Variants in GARNL3 observed in about 807,000 individuals in gnomAD.
GARNL3 encodes the protein GTPase-activating Rap/Ran-GAP domain-like protein 3.
GARNL3 carries 63 observed loss-of-function variants against 125.0 expected under a neutral mutation model. The ratio of observed to expected loss-of-function variants is 0.50; its 90% CI spans 0.41 to 0.62. The LOEUF is 0.62. Ranked by LOEUF, GARNL3 falls within the 20% of genes least tolerant of loss-of-function variation. GARNL3 has a pLI of 0.00. For synonymous variants in GARNL3, 439 were observed against 457.5 expected (o/e 0.96, Z 0.52); for missense variants, 994 against 1,244.0 (o/e 0.80, Z 3.02).
Position 127,325,091 on chromosome 9 carries a change from A to G in GARNL3, c.590A>G (p.Gln197Arg). ...CAGGACTTGCTGGTTCTTGAAGAAC[A>G]AGAGGTGAGTAATTCTATGGAGATA... ...IQKDLLVLEE[Q>R]EGSVNFKFGV... Residue 197 changes from glutamine (Q) to arginine (R), a missense_variant, in exon 7 of 28, where the codon CAA becomes CGA. By Grantham distance (43) the Gln-to-Arg change is conservative. Coordinates refer to ENST00000373387, the MANE Select transcript of GARNL3 (RefSeq NM_032293.5). The G allele has an allele frequency of 6.2e-7, 1 of 1,613,478 alleles. No individual in the cohort carries two copies. Among genetic ancestry groups the G allele is most frequent in the Non-Finnish European group, 8.5e-7 (1 of 1,179,428 alleles).
At chr9:127,350,191 G>A (rs533671113) in intron 17 of GARNL3, among the ~76,000 whole-genome samples, 6 of 152,252 alleles carry the variant, frequency 3.9e-5, no homozygotes, top group South Asian at 2.1e-4. Context: ...TTTAAATTCA[G>A]TATGTAATTT....
intron 8 of GARNL3, 71 bp downstream of exon 8, chr9:127,332,420 GCTTAA>G (rs1483245094): frequency 4.9e-6 from 6 of 1,219,786 alleles, no homozygotes; most frequent in African/African-American, 1.5e-5. Flanking sequence ...GCCAGTTGGA[GCTTAA>G]CTTGTCTGTT....
intron 2 of GARNL3, among the ~76,000 whole-genome samples, chr9:127,294,051 T>G (rs2064507502): frequency 6.6e-6 from 1 of 152,168 alleles, no homozygotes; most frequent in Admixed American, 6.5e-5. Flanking sequence ...CTTCCTTCAG[T>G]GTGCAGCCCT....
rs1832519038 is a variant in GARNL3 at position 127,385,945 on chromosome 9, T to C, written c.2388+800T>C. ...GTGTGTGTGTGCACATATGTGCATA[T>C]ATGTATGATATGTGTACATATCTGC... On this transcript the variant is annotated intron_variant, in intron 24 of 27. Coordinates refer to ENST00000373387, the MANE Select transcript of GARNL3 (RefSeq NM_032293.5). The surrounding 1 kb of genome is among the most constrained non-coding windows in gnomAD (Gnocchi z 4.1). Among the ~76,000 whole-genome samples, 1 of 152,252 alleles carries C rather than the reference T, an allele frequency of 6.6e-6. No homozygotes were observed. The highest frequency in any genetic ancestry group is 2.4e-5 in the African/African-American group (1 of 41,468).
At chr9:127,272,521 C>G (rs2063847858) in intron 1 of GARNL3, among the ~76,000 whole-genome samples, 1 of 140,674 alleles carries the variant, frequency 7.1e-6, no homozygotes, top group Non-Finnish European at 1.5e-5. Context: ...GAGTCTCACT[C>G]TGTTCCCCAG....
rs936607474 is a variant in GARNL3, at chr9:127,333,139, T to C, written c.769+18T>C. On this transcript the variant is annotated intron_variant, in intron 9 of 27. Coordinates refer to ENST00000373387, the MANE Select transcript of GARNL3 (RefSeq NM_032293.5). ...TACCAAAAGTAAGCCTGCCTCTTGA[T>C]CTATTCTGTTGTAATTTGTATAACT... 1 of 1,584,370 alleles carries C rather than the reference T, an allele frequency of 6.3e-7. No homozygotes were observed.
At chr9:127,374,610 C>T (rs1269628744) in intron 22 of GARNL3, among the ~76,000 whole-genome samples, 1 of 151,992 alleles carries the variant, frequency 6.6e-6, no homozygotes, top group African/African-American at 2.4e-5. Flanking sequence ...CTATCTCATA[C>T]AGGACTGGTA....
At chr9:127,376,919 G>A (rs1489444273) in intron 22 of GARNL3, among the ~76,000 whole-genome samples, 1 of 152,166 alleles carries the variant, frequency 6.6e-6, no homozygotes, top group African/African-American at 2.4e-5. Flanking sequence ...TTGAACAAAT[G>A]GACAAATATA....
At chr9:127,263,619 G>A, upstream of GARNL3, 4 of 935,956 alleles carry the variant, frequency 4.3e-6, no homozygotes, top group Non-Finnish European at 5.1e-6. Flanking sequence ...TGGAGGGAAG[G>A]TTTTTATTCT....
Position 127,336,254 on chromosome 9 carries a change from A to T in GARNL3, c.982+18A>T, listed in dbSNP as rs761988347. On this transcript the variant is annotated intron_variant, in intron 11 of 27. Coordinates refer to ENST00000373387, the MANE Select transcript of GARNL3 (RefSeq NM_032293.5). ...CTTTACACGTATCCTGGGCCTTTGT[A>T]AATGCTCCAGTGTGGCAAGCTGTGG... 2 of 1,566,532 alleles carry T rather than the reference A, an allele frequency of 1.3e-6. No individual in the cohort carries two copies. The highest frequency in any genetic ancestry group is 2.2e-5 in the South Asian group (2 of 89,768).
At chr9:127,360,083 C>T (rs1830905212) in intron 21 of GARNL3, among the ~76,000 whole-genome samples, 2 of 152,130 alleles carry the variant, frequency 1.3e-5, no homozygotes, top group East Asian at 1.9e-4. Flanking sequence ...TGCAGTGGCG[C>T]AATCTCGGCT....
chr9:127,293,963 C>CCCT lies in GARNL3; in HGVS notation c.219+2723_219+2724insTCC, dbSNP rs2064503881. Among the ~76,000 whole-genome samples, 3 of 152,270 alleles carry CCCT rather than the reference C, an allele frequency of 2.0e-5. No individual in the cohort carries two copies. The East Asian group carries it at 5.8e-4, about 29-fold the overall frequency. ...GTGGTCACCACACCTCAGAGACACT[C>CCCT]CCCTGCTCAGCTCTGCTCGGTGCTG... On this transcript the variant is annotated intron_variant, in intron 2 of 27. Transcript: ENST00000373387.
intron 22 of GARNL3, among the ~76,000 whole-genome samples, chr9:127,371,977 G>T (rs977619850): frequency 6.6e-6 from 1 of 152,152 alleles, no homozygotes; most frequent in Non-Finnish European, 1.5e-5. Context: ...TTGTTGCCCA[G>T]GCTGAAGTTC....
chr9:127,325,557 A>G (rs1471276222), intron 7 of GARNL3, among the ~76,000 whole-genome samples: 2 of 152,216 alleles, frequency 1.3e-5, no homozygotes, highest in African/African-American at 4.8e-5. Context: ...TAGGCAATGG[A>G]GTAAATAAAT....
At chr9:127,324,407 T>C (rs7868704) in intron 6 of GARNL3, among the ~76,000 whole-genome samples, 20,350 of 152,204 alleles carry the variant, frequency 0.13, 1,758 homozygotes, top group East Asian at 0.21. Context: ...CCAGAGAGTC[T>C]TGGGCCAGAA....
intron 2 of GARNL3, among the ~76,000 whole-genome samples, chr9:127,256,483 A>G (rs971166783): frequency 6.6e-6 from 1 of 152,130 alleles, no homozygotes; most frequent in African/African-American, 2.4e-5. Flanking sequence ...CTTGCACAAT[A>G]TTTTTGTTCC....
intron 2 of GARNL3, chr9:127,245,195 G>A (rs752399778): frequency 2.0e-5 from 3 of 152,344 alleles, no homozygotes; most frequent in African/African-American, 7.2e-5. Context: ...CAGACTGCAA[G>A]GCCCGCAGTG....
At chr9:127,340,100 G>GA (rs1264844454) in intron 13 of GARNL3, among the ~76,000 whole-genome samples, 1 of 152,180 alleles carries the variant, frequency 6.6e-6, no homozygotes, top group African/African-American at 2.4e-5. Flanking sequence ...GTAGGTGGGG[G>GA]AAAGAGTGGT....
intron 1 of GARNL3, among the ~76,000 whole-genome samples, chr9:127,283,768 C>G (rs758035150): frequency 6.6e-6 from 1 of 152,196 alleles, no homozygotes; most frequent in Non-Finnish European, 1.5e-5. Flanking sequence ...CAGTGCCTGG[C>G]AGATCCTAGC....
Sources: gnomAD v4.1 joint callset for allele counts (sites outside exome capture counted in the v4.1 genomes callset) on GRCh38, gnomAD v4.1.1 for gene constraint, Gnocchi (gnomAD v3.1) non-coding constraint, MANE v1.5 for transcripts, NCBI Gene and HGNC (gene_info 2026-07-23, HGNC 2026-07-21) for gene names.